Variants in FOXN3 observed in about 807,000 individuals in gnomAD.
The protein encoded by FOXN3 is forkhead box protein N3.
Under a neutral mutation model 38.4 loss-of-function variants are expected in FOXN3, and 7 were observed. That is an observed-to-expected ratio of 0.18 (90% CI 0.10 to 0.34). FOXN3 has a LOEUF of 0.34. Ranked by LOEUF, FOXN3 falls within the 10% of genes least tolerant of loss-of-function variation. The probability of loss-of-function intolerance (pLI) is 1.00; values close to 1 mark genes in which losing one functional copy is unlikely to be tolerated. For missense variants in FOXN3, 456 were observed against 613.4 expected, an observed-to-expected ratio of 0.74 and a Z score of 2.71; for synonymous variants, 230 against 242.2, an observed-to-expected ratio of 0.95 and a Z score of 0.47.
intron 1 of FOXN3, among the ~76,000 whole-genome samples, chr14:89,611,622 C>A (rs980243602): frequency 2.6e-5 from 4 of 151,942 alleles, no homozygotes; most frequent in African/African-American, 7.2e-5. Context: ...CTGGTTAACA[C>A]GGTGAAACCC....
intron 2 of FOXN3, among the ~76,000 whole-genome samples, chr14:89,399,720 C>A (rs1321440810): frequency 6.6e-6 from 1 of 152,180 alleles, no homozygotes. Context: ...GGGCTGCGAT[C>A]TCTTTTAAAG....
At chr14:89,385,186 A>G (rs1566973960) in intron 2 of FOXN3, among the ~76,000 whole-genome samples, 1 of 152,166 alleles carries the variant, frequency 6.6e-6, no homozygotes, top group Non-Finnish European at 1.5e-5. Flanking sequence ...TATATGTCTT[A>G]TGGCAAGCCC....
At chr14:89,435,816 CCTTACAGCA>C (rs1892263555) in intron 1 of FOXN3, among the ~76,000 whole-genome samples, 1 of 152,170 alleles carries the variant, frequency 6.6e-6, no homozygotes, top group Non-Finnish European at 1.5e-5. Flanking sequence ...GTGACACCAG[CCTTACAGCA>C]AAGCCTCCCA....
intron 4 of FOXN3, chr14:89,230,957 G>C (rs76749629): frequency 2.2e-6 from 1 of 444,752 alleles, no homozygotes; most frequent in Non-Finnish European, 4.5e-6. Flanking sequence ...CCCCCATGGC[G>C]TCTACTGGAG....
In FOXN3 at chr14:89,235,239, G is replaced by A. The variant is rs190329377; in HGVS notation, c.745+45711C>T. On this transcript the variant is annotated intron_variant, in intron 4 of 5. Transcript: ENST00000557258. ...TGGAGAGGGCCCTTTGGAACCAGGGGCTGTTAGAACCTTGTGGCTTACTGA... is the reference window on the plus strand; with the variant it reads ...TGGAGAGGGCCCTTTGGAACCAGGGACTGTTAGAACCTTGTGGCTTACTGA... Among the ~76,000 whole-genome samples, 18 of 152,296 alleles carry A rather than the reference G, an allele frequency of 1.2e-4. No individual in the cohort carries two copies. In the South Asian group the frequency reaches 1.9e-3, roughly 16 times the overall value.
rs180851735 is a variant in FOXN3, at chr14:89,302,398, A to G, written c.681-21384T>C. On this transcript the variant is annotated intron_variant, in intron 3 of 5. Transcript: ENST00000557258. ...AGCACCTTTCTTTCTGGGTGTAAAC[A>G]GTTACGTATGATTGTGAGGGTTTTG... Among the ~76,000 whole-genome samples, 120 of 152,284 alleles carry G rather than the reference A, an allele frequency of 7.9e-4. 1 individual carries two copies. Among genetic ancestry groups the G allele is most frequent in the Non-Finnish European group, 8.8e-5 (6 of 68,026 alleles).
chr14:89,455,315 A>G (rs372110059), intron 1 of FOXN3, among the ~76,000 whole-genome samples: 4 of 152,326 alleles, frequency 2.6e-5, no homozygotes, highest in African/African-American at 7.2e-5. Flanking sequence ...CATCATCTGG[A>G]GTTAGAGTCA....
At position 89,412,471 on chromosome 14, in the gene FOXN3, A is replaced by G. The variant is rs1477713718; in HGVS notation, c.6T>C (p.Gly2=). Residue 2 remains glycine (G), a synonymous_variant, in exon 2 of 6, where the codon GGT becomes GGC. Coordinates refer to ENST00000557258, the MANE Select transcript of FOXN3 (RefSeq NM_005197.4). This position sits in a 1 kb window ranked among gnomAD's most constrained non-coding sequence, Gnocchi z 4.7. M[G]PVMPPSKKPE... ...GCTTCTTACTGGGAGGCATGACTGG[A>G]CCCATTTACGTGAAGGCTCCTAGTA... 1 of 1,599,678 alleles carries G rather than the reference A, an allele frequency of 6.3e-7. No individual in the cohort carries two copies. Among genetic ancestry groups the G allele is most frequent in the Non-Finnish European group, 8.5e-7 (1 of 1,171,442 alleles).
intron 4 of FOXN3, among the ~76,000 whole-genome samples, chr14:89,250,931 G>A (rs1389506722): frequency 6.6e-6 from 1 of 152,124 alleles, no homozygotes; most frequent in Non-Finnish European, 1.5e-5. Context: ...TGCCATGACT[G>A]TGAGGCCTCC....
chr14:89,412,872 C>T lies in FOXN3; in HGVS notation c.-14-382G>A, dbSNP rs967659651. 6.6e-6 allele frequency among the ~76,000 whole-genome samples: 1 copy of T among 152,106 alleles called. No homozygotes were observed. Among genetic ancestry groups the T allele is most frequent in the Non-Finnish European group, 1.5e-5 (1 of 68,014 alleles). Reference sequence around the variant, plus strand: ...TAAATTTTACTGTGAATTATTTTTTCTTCCAGAACAGAAGAAAAGCAAGTA... The same window carrying T: ...TAAATTTTACTGTGAATTATTTTTTTTTCCAGAACAGAAGAAAAGCAAGTA... On this transcript the variant is annotated intron_variant, in intron 1 of 5. Coordinates refer to ENST00000557258, the MANE Select transcript of FOXN3 (RefSeq NM_005197.4). The surrounding 1 kb of genome is among the most constrained non-coding windows in gnomAD (Gnocchi z 4.7).
chr14:89,526,987 A>G (rs1894444468), intron 1 of FOXN3, among the ~76,000 whole-genome samples: 1 of 151,924 alleles, frequency 6.6e-6, no homozygotes, highest in Non-Finnish European at 1.5e-5. Context: ...AATTTAGTAG[A>G]GAAAGGGAGT....
rs1416172611 is a variant in FOXN3 at position 89,569,030 on chromosome 14, C to T, written c.-15+49998G>A. On this transcript the variant is annotated intron_variant, in intron 1 of 6. Coordinates refer to the FOXN3 transcript ENST00000345097. ...CCAACCCGGCTAACACGGTGAAACCCCATCTCTACTAAAAATACAAAAATA... is the reference window on the plus strand; with the variant it reads ...CCAACCCGGCTAACACGGTGAAACCTCATCTCTACTAAAAATACAAAAATA... Among the ~76,000 whole-genome samples, 5 of 152,270 alleles carry T rather than the reference C, an allele frequency of 3.3e-5. No individual in the cohort carries two copies. The South Asian group carries it at 6.2e-4, about 19-fold the overall frequency.
intron 4 of FOXN3, among the ~76,000 whole-genome samples, chr14:89,273,496 T>C (rs1886213154): frequency 1.3e-5 from 2 of 152,202 alleles, no homozygotes. Flanking sequence ...ATCTGACTGG[T>C]ATTTTCCCAG....
chr14:89,617,720 C>T (rs1896519027), intron 1 of FOXN3, among the ~76,000 whole-genome samples: 1 of 152,156 alleles, frequency 6.6e-6, no homozygotes, highest in Admixed American at 6.5e-5. Context: ...ACCAAAATGG[C>T]CTACTTTATG....
chr14:89,253,067 G>C (rs1489060011), intron 4 of FOXN3, among the ~76,000 whole-genome samples: 1 of 152,174 alleles, frequency 6.6e-6, no homozygotes, highest in Non-Finnish European at 1.5e-5. Flanking sequence ...CTGTGCCAGG[G>C]AGAAGAATGC....
rs964192712 is a variant in FOXN3, at chr14:89,158,905, T to C, written c.*3509A>G. On this transcript the variant is annotated 3_prime_UTR_variant, in exon 6 of 6. Transcript: ENST00000557258. ...CGTGTGAGTATGTGAGATACTGGAA[T>C]GACACATGAACCGCCACTTCTCCCA... 2.7e-5 allele frequency: 4 copies of C among 146,104 alleles called. No individual in the cohort carries two copies. The highest frequency in any genetic ancestry group is 6.0e-5 in the Non-Finnish European group (4 of 66,844). The allele number at this position is 146,104 out of a possible 1,614,324, so 9.1% of individuals were successfully genotyped here. A position where few individuals can be genotyped will look rare whatever the true frequency, so the allele number is the denominator to read the frequency against.
At chr14:89,269,324 T>A (rs1201361502) in intron 4 of FOXN3, among the ~76,000 whole-genome samples, 1 of 152,162 alleles carries the variant, frequency 6.6e-6, no homozygotes, top group Non-Finnish European at 1.5e-5. Flanking sequence ...AAGTTCCGTA[T>A]CACTGCAAGT....
chr14:89,165,010 C>T (rs1351935543), intron 5 of FOXN3, among the ~76,000 whole-genome samples: 5 of 152,106 alleles, frequency 3.3e-5, no homozygotes, highest in Non-Finnish European at 5.9e-5. Context: ...TCGTGTCCAC[C>T]AGCAAAATGT....
chr14:89,166,765 G>A (rs577007766), intron 5 of FOXN3, among the ~76,000 whole-genome samples: 1 of 152,282 alleles, frequency 6.6e-6, no homozygotes, highest in South Asian at 2.1e-4. Context: ...TAATCCATAA[G>A]TTACACACAA....
Sources: allele counts gnomAD v4.1 joint callset (sites outside exome capture counted in the v4.1 genomes callset), GRCh38; gene constraint gnomAD v4.1.1; non-coding constraint Gnocchi (gnomAD v3.1); transcripts MANE v1.5; gene names NCBI Gene and HGNC (gene_info 2026-07-23, HGNC 2026-07-21).